KLC1: variants seen among roughly 807,000 people sequenced by gnomAD.
The protein encoded by KLC1 is kinesin 2 60/70kDa.
A neutral mutation model predicts 84.2 loss-of-function variants in KLC1; 30 were observed. The observed-to-expected ratio is 0.36, with a 90% CI of 0.27 to 0.48. The LOEUF is 0.48. Ranked by LOEUF, KLC1 falls within the 20% of genes least tolerant of loss-of-function variation. KLC1 has a pLI of 0.99. For synonymous variants in KLC1, 289 were observed against 293.3 expected, an observed-to-expected ratio of 0.99 and a Z score of 0.15; for missense variants, 499 against 805.4, an observed-to-expected ratio of 0.62 and a Z score of 4.60.
intron 15 of KLC1, chr14:103,699,799 C>T: frequency 1.7e-6 from 1 of 595,418 alleles, no homozygotes; most frequent in Non-Finnish European, 3.0e-6. Flanking sequence ...TTCCCTTGGC[C>T]CCATGTCCTT....
chr14:103,675,268 C>T (rs1409215815), intron 9 of KLC1, among the ~76,000 whole-genome samples: 2 of 152,118 alleles, frequency 1.3e-5, no homozygotes, highest in South Asian at 2.1e-4. Context: ...GAGGTTGCAG[C>T]GAGGCGGGAT....
intron 12 of KLC1, 83 bp downstream of exon 12, chr14:103,677,606 T>C: frequency 1.2e-6 from 1 of 811,006 alleles, no homozygotes; most frequent in Non-Finnish European, 2.1e-6. Flanking sequence ...ATTGAAAGCT[T>C]GATTTAGAAA....
chr14:103,686,439 A>T (rs1162567404), intron 13 of KLC1: 1 of 156,944 alleles, frequency 6.4e-6, no homozygotes, highest in Non-Finnish European at 1.4e-5. Context: ...TAATACCTGA[A>T]TCAATTAAGA....
At chr14:103,644,407 C>T (rs537458482) in intron 1 of KLC1, among the ~76,000 whole-genome samples, 24 of 151,792 alleles carry the variant, frequency 1.6e-4, no homozygotes, top group African/African-American at 5.3e-4. Context: ...TACAGGCTCC[C>T]GCCACCACAC....
chr14:103,661,310 C>CTCA (rs1204997805), intron 3 of KLC1, among the ~76,000 whole-genome samples: 18 of 152,174 alleles, frequency 1.2e-4, no homozygotes, highest in Non-Finnish European at 2.6e-4. Flanking sequence ...ATGTGGCCGT[C>CTCA]ACATCTGTTG....
chr14:103,696,558 T>A (rs1001175130), intron 15 of KLC1: 8 of 985,350 alleles, frequency 8.1e-6, no homozygotes, highest in African/African-American at 5.2e-5. Flanking sequence ...TGCACTGACT[T>A]GTGAGCTGTG....
At chr14:103,645,624 A>G (rs1180239769) in intron 1 of KLC1, among the ~76,000 whole-genome samples, 1 of 152,198 alleles carries the variant, frequency 6.6e-6, no homozygotes, top group African/African-American at 2.4e-5. Flanking sequence ...CCTAGGCTGT[A>G]TGGTGTAGCC....
chr14:103,687,263 G>A (rs565948392), intron 14 of KLC1, 52 bp downstream of exon 14: 134 of 1,479,360 alleles, frequency 9.1e-5, no homozygotes, highest in Middle Eastern at 2.4e-4. Context: ...CTGCTGGGCC[G>A]CTTCTCTTCC....
At chr14:103,695,680 T>C in intron 15 of KLC1, 1 of 985,430 alleles carries the variant, frequency 1.0e-6, no homozygotes, top group Non-Finnish European at 1.2e-6. Context: ...TTCAGACTGA[T>C]GGGTGCAGAC....
At chr14:103,700,062 C>T in intron 15 of KLC1, 1 of 235,426 alleles carries the variant, frequency 4.2e-6, no homozygotes. Context: ...TTCAGACGCT[C>T]AGCAAGGCAG....
chr14:103,634,867 CA>C (rs2076938797), intron 1 of KLC1, among the ~76,000 whole-genome samples: 1 of 152,076 alleles, frequency 6.6e-6, no homozygotes, highest in African/African-American at 2.4e-5. Context: ...AGGTTTGAGC[CA>C]CTGCACCCGG....
At chr14:103,637,777 G>C (rs2077162050) in intron 1 of KLC1, among the ~76,000 whole-genome samples, 1 of 152,050 alleles carries the variant, frequency 6.6e-6, no homozygotes, top group East Asian at 1.9e-4. Context: ...CACAGTCGTG[G>C]CTCAGTGCAG....
Position 103,701,355 on chromosome 14 carries a change from C to T in KLC1, c.*156C>T. 2 of 768,490 alleles carry T rather than the reference C, an allele frequency of 2.6e-6. No individual in the cohort carries two copies. Among genetic ancestry groups the T allele is most frequent in the Non-Finnish European group, 4.1e-6 (2 of 492,020 alleles). 47.6% of individuals were successfully genotyped at this position (768,490 alleles called of 1,614,324 possible). On this transcript the variant is annotated 3_prime_UTR_variant, in exon 17 of 17. Coordinates refer to ENST00000334553, the MANE Select transcript of KLC1 (RefSeq NM_001394837.1). The stretch of plus-strand genomic sequence containing the variant: ...TGTGCATAGGACATGATACTAATAA[C>T]CACACGGCTGGCGTGACCTTGGGGC...
intron 15 of KLC1, chr14:103,698,682 A>T: frequency 2.2e-6 from 2 of 915,014 alleles, no homozygotes; most frequent in South Asian, 2.9e-5. Context: ...GCCCTGGAAG[A>T]GCTGTGTCTG....
chr14:103,675,730 C>T lies in KLC1; in HGVS notation c.1353C>T (p.Gly451=). The T allele has an allele frequency of 6.2e-7, 1 of 1,613,878 alleles. No individual in the cohort carries two copies. Among genetic ancestry groups the T allele is most frequent in the Non-Finnish European group, 8.5e-7 (1 of 1,179,926 alleles). ...GGACATCTTTTGGAGAGTATGGCGG[C>T]TGGTACAAAGCCTGCAAAGTTGATA... ...KDGTSFGEYG[G]WYKACKVDSP... is the part of the protein sequence containing the mutation. The change falls in exon 11 of 17, where the codon GGC becomes GGT. Residue 451 remains glycine (G), a synonymous_variant. Coordinates refer to ENST00000334553, the MANE Select transcript of KLC1 (RefSeq NM_001394837.1).
intron 7 of KLC1, 111 bp from the exon 8 acceptor site, chr14:103,672,903 T>C (rs916172563): frequency 1.1e-6 from 1 of 910,278 alleles, no homozygotes. Flanking sequence ...AATCTGAAAG[T>C]GTAGCACAGT....
rs1191999016 is a variant in KLC1, at chr14:103,673,010, TC to T, written c.988-3del. ...GTCTCTAATATGCTGTTTTTTATTT[TC>T]AGGTTTTGGGGAAGGATCACCCCGA... On this transcript the variant is annotated splice_polypyrimidine_tract_variant and splice_region_variant and intron_variant, in intron 7 of 16. Coordinates refer to ENST00000334553, the MANE Select transcript of KLC1 (RefSeq NM_001394837.1). 6.2e-7 allele frequency: 1 copy of T among 1,613,932 alleles called. No individual in the cohort carries two copies. Among genetic ancestry groups the T allele is most frequent in the Non-Finnish European group, 8.5e-7 (1 of 1,179,934 alleles).
At chr14:103,632,520 C>T (rs941624884) in intron 1 of KLC1, among the ~76,000 whole-genome samples, 2 of 150,898 alleles carry the variant, frequency 1.3e-5, no homozygotes, top group African/African-American at 4.9e-5. Context: ...GTTTGAGACC[C>T]GCCTGGACAA....
At chr14:103,692,114 G>A (rs1043280564) in intron 14 of KLC1, among the ~76,000 whole-genome samples, 3 of 152,196 alleles carry the variant, frequency 2.0e-5, no homozygotes, top group African/African-American at 7.2e-5. Flanking sequence ...GACATTTTGA[G>A]TTTGCATATG....
Sources: allele counts gnomAD v4.1 joint callset (sites outside exome capture counted in the v4.1 genomes callset), GRCh38; gene constraint gnomAD v4.1.1; transcripts MANE v1.5; gene names NCBI Gene and HGNC (gene_info 2026-07-23, HGNC 2026-07-21).